Variants in POLG2 observed in about 807,000 individuals in gnomAD.
POLG2 encodes the protein DNA polymerase gamma 2, accessory subunit.
POLG2 carries 50 observed loss-of-function variants against 56.5 expected under a neutral mutation model. The ratio of observed to expected loss-of-function variants is 0.88; its 90% confidence interval spans 0.71 to 1.12. The LOEUF (loss-of-function observed/expected upper bound fraction) is 1.12. POLG2 is among the 50% of genes most tolerant of loss of function. The pLI is 0.00. For synonymous variants in POLG2, 226 were observed against 222.6 expected, an observed-to-expected ratio of 1.02 and a Z score of -0.14; for missense variants, 584 against 583.3, an observed-to-expected ratio of 1.00 and a Z score of -0.01.
At chr17:64,485,212 A>G (rs1278184063) in intron 5 of POLG2, 1 of 157,036 alleles carries the variant, frequency 6.4e-6, no homozygotes, top group Admixed American at 6.3e-5. Flanking sequence ...TATAACTTCA[A>G]CTTCTCCTCT....
chr17:64,493,501 T>C (rs960155967), intron 1 of POLG2, among the ~76,000 whole-genome samples: 16 of 152,178 alleles, frequency 1.1e-4, no homozygotes, highest in African/African-American at 3.9e-4. Context: ...TCTTTTTTTT[T>C]TGAGATGGAG....
intron 4 of POLG2, 106 bp from the exon 5 acceptor site, chr17:64,485,974 T>C: frequency 9.5e-7 from 1 of 1,055,308 alleles, no homozygotes; most frequent in Non-Finnish European, 1.4e-6. Flanking sequence ...TGGAGTGCAG[T>C]GGCATGATCT....
At chr17:64,482,861 C>T (rs369046490) in intron 6 of POLG2, 58 bp downstream of exon 6, 38 of 987,884 alleles carry the variant, frequency 3.8e-5, no homozygotes, top group Non-Finnish European at 5.7e-5. Flanking sequence ...TGGTCCAAAG[C>T]GTTTTTGGAT....
At chr17:64,495,177 CAA>C (rs782184151) in intron 1 of POLG2, among the ~76,000 whole-genome samples, 5 of 119,290 alleles carry the variant, frequency 4.2e-5, no homozygotes, top group Admixed American at 1.7e-4. Context: ...GACTCTGTCT[CAA>C]AAAAAAAAAA....
chr17:64,492,982 T>C lies in POLG2; in HGVS notation c.602A>G (p.Asn201Ser). 1 of 1,614,034 alleles carries C rather than the reference T, an allele frequency of 6.2e-7. No individual in the cohort carries two copies. Among genetic ancestry groups the C allele is most frequent in the Non-Finnish European group, 8.5e-7 (1 of 1,179,890 alleles). Residue 201 changes from asparagine (N) to serine (S), a missense_variant, in exon 2 of 8, where the codon AAC becomes AGC. Transcript: ENST00000539111. ...AGCAAGGCCATAAGGTAGCCTCTTG[T>C]TTACCAGATCCAGGCAATTAACATA... ...EHYVNCLDLV[N>S]KRLPYGLAQI...
At chr17:64,489,756 CAAAT>C (rs1381213711) in intron 4 of POLG2, among the ~76,000 whole-genome samples, 1 of 139,290 alleles carries the variant, frequency 7.2e-6, no homozygotes, top group Non-Finnish European at 1.5e-5. Context: ...GATCCTGTCT[CAAAT>C]AAAGAAAAAA....
At chr17:64,478,224 G>A (rs572447420) in intron 7 of POLG2, among the ~76,000 whole-genome samples, 1 of 152,260 alleles carries the variant, frequency 6.6e-6, no homozygotes, top group African/African-American at 2.4e-5. Context: ...AATAAAATCT[G>A]AGAATAAACA....
intron 3 of POLG2, chr17:64,491,630 A>C: frequency 6.6e-7 from 1 of 1,504,994 alleles, no homozygotes; most frequent in Non-Finnish European, 9.2e-7. Context: ...GCCTTGATGG[A>C]GCGTTTCAAA....
At chr17:64,479,197 T>G (rs891704307) in intron 7 of POLG2, among the ~76,000 whole-genome samples, 3 of 151,214 alleles carry the variant, frequency 2.0e-5, no homozygotes, top group Admixed American at 2.0e-4. Context: ...TTTTTTTTTT[T>G]TTTTGAGAAG....
chr17:64,493,641 C>A (rs556197125), intron 1 of POLG2, among the ~76,000 whole-genome samples: 1 of 151,992 alleles, frequency 6.6e-6, no homozygotes, highest in African/African-American at 2.4e-5. Context: ...CCCGCCACCA[C>A]GCCCGGCTAA....
intron 3 of POLG2, chr17:64,491,842 T>G (rs1199445559): frequency 5.0e-6 from 2 of 396,232 alleles, no homozygotes; most frequent in Admixed American, 4.0e-5. Flanking sequence ...AACCCCTCCA[T>G]AAGCAACACA....
At position 64,497,045 on chromosome 17, in the gene POLG2, C is replaced by G; in HGVS notation, c.-77G>C. ...AAGCCACCACTACCGTTAACAGAATCCGGAGAGGCCACGGCGCAGGCGCAA... is the reference window on the plus strand; with the variant it reads ...AAGCCACCACTACCGTTAACAGAATGCGGAGAGGCCACGGCGCAGGCGCAA... On this transcript the variant is annotated 5_prime_UTR_variant, in exon 1 of 8. Transcript: ENST00000539111. 1 of 1,435,392 alleles carries G rather than the reference C, an allele frequency of 7.0e-7. No individual in the cohort carries two copies. Among genetic ancestry groups the G allele is most frequent in the Non-Finnish European group, 9.7e-7 (1 of 1,032,548 alleles). 88.9% of individuals were successfully genotyped at this position (1,435,392 alleles called of 1,614,324 possible).
chr17:64,493,408 C>A (rs544074344), intron 1 of POLG2, among the ~76,000 whole-genome samples: 1 of 152,036 alleles, frequency 6.6e-6, no homozygotes, highest in South Asian at 2.1e-4. Flanking sequence ...CAGAGTGAAA[C>A]CCTGTCTTAA....
At position 64,496,670 on chromosome 17, in the gene POLG2, C is replaced by T. The variant is rs782380154; in HGVS notation, c.299G>A (p.Gly100Glu). The T allele has an allele frequency of 1.9e-6, 3 of 1,613,908 alleles. No individual in the cohort carries two copies. The highest frequency in any genetic ancestry group is 1.3e-5 in the African/African-American group (1 of 74,856). ...SLLSGCHPGF[G>E]PLGVELRKNL... is the part of the protein sequence containing the mutation. ...CTTCCGCAACTCTACGCCCAAGGGT[C>T]CGAAGCCGGGGTGGCACCCACTCAG... Residue 100 changes from glycine (G) to glutamate (E), a missense_variant, in exon 1 of 8, where the codon GGA (glycine) becomes GAA (glutamate). Coordinates refer to ENST00000539111, the MANE Select transcript of POLG2 (RefSeq NM_007215.4).
At position 64,482,976 on chromosome 17, in the gene POLG2, T is replaced by A; in HGVS notation, c.1134A>T (p.Leu378Phe). ...CATCCAAAGCAACCTTAATAGGGGC[T>A]AAACAAGGGTGAAGTTTAAGTACCT... is the stretch of plus-strand genomic sequence containing the variant. The part of the protein sequence containing the change: ...HRKVLKLHPC[L>F]APIKVALDVG... The change falls in exon 6 of 8, where the codon TTA becomes TTT. Residue 378 changes from leucine to phenylalanine, a missense_variant. Transcript: ENST00000539111. The A allele has an allele frequency of 6.2e-7, 1 of 1,605,600 alleles. No homozygotes were observed. The highest frequency in any genetic ancestry group is 1.3e-5 in the African/African-American group (1 of 74,796).
intron 1 of POLG2, among the ~76,000 whole-genome samples, chr17:64,495,609 CA>C (rs1217127780): frequency 2.0e-5 from 3 of 152,162 alleles, no homozygotes; most frequent in Non-Finnish European, 2.9e-5. Context: ...TTTAATTTAC[CA>C]ATCCATATTT....
Position 64,496,983 on chromosome 17 carries a change from A to G in POLG2, c.-15T>C. 1.9e-6 allele frequency: 3 copies of G among 1,599,364 alleles called. No individual in the cohort carries two copies. The Admixed American group carries it at 5.0e-5, about 27-fold the overall frequency. ...CGAGAGCGCATCTCTCTCCGAAGTTAAAGAGCACACTCTCCCATCACTCAA... is the reference window on the plus strand; with the variant it reads ...CGAGAGCGCATCTCTCTCCGAAGTTGAAGAGCACACTCTCCCATCACTCAA... On this transcript the variant is annotated 5_prime_UTR_variant, in exon 1 of 8. An upstream open reading frame in the 5' UTR loses its in-frame stop. Coordinates refer to ENST00000539111, the MANE Select transcript of POLG2 (RefSeq NM_007215.4).
chr17:64,482,322 A>G (rs1331600429), intron 6 of POLG2, among the ~76,000 whole-genome samples: 1 of 142,734 alleles, frequency 7.0e-6, no homozygotes, highest in African/African-American at 2.9e-5. Context: ...CAGGCAAATT[A>G]AAAACTTTTT....
chr17:64,477,931 A>G lies in POLG2; in HGVS notation c.1350T>C (p.Asn450=). ...TVLVTETTLE[N]GLIHLRSRDT... ...CTCTGCTTCTCAGATGTATTAATCC[A>G]TTCTCCAAAGTAGTTTCAGTAACCA... The change falls in exon 8 of 8, where the codon AAT becomes AAC. Residue 450 remains asparagine, a synonymous_variant. Transcript: ENST00000539111. The G allele has an allele frequency of 3.1e-6, 5 of 1,614,028 alleles. No individual in the cohort carries two copies. The highest frequency in any genetic ancestry group is 3.4e-6 in the Non-Finnish European group (4 of 1,179,976).
Sources: gnomAD v4.1 joint callset for allele counts (sites outside exome capture counted in the v4.1 genomes callset) on GRCh38, gnomAD v4.1.1 for gene constraint, MANE v1.5 for transcripts, NCBI Gene and HGNC (gene_info 2026-07-23, HGNC 2026-07-21) for gene names.